The following CTNNA1 variants were observed in gnomAD, a reference collection of about 807,000 sequenced individuals.
The protein encoded by CTNNA1 is catenin alpha-1.
A neutral mutation model predicts 98.4 loss-of-function variants in CTNNA1; 37 were observed. The observed-to-expected ratio is 0.38, with a 90% CI of 0.29 to 0.49. CTNNA1 has a LOEUF of 0.49. Among genes scored for constraint, CTNNA1 ranks in the 20% least tolerant of loss-of-function variants. The pLI is 0.95. For synonymous variants in CTNNA1, 404 were observed against 413.2 expected, an observed-to-expected ratio of 0.98 and a Z score of 0.27; for missense variants, 761 against 1,147.2, an observed-to-expected ratio of 0.66 and a Z score of 4.86.
intron 9 of CTNNA1, among the ~76,000 whole-genome samples, chr5:138,903,464 T>C (rs1442277777): frequency 6.6e-6 from 1 of 152,262 alleles, no homozygotes; most frequent in East Asian, 1.9e-4. Flanking sequence ...GTACCGTGTA[T>C]TCAGTTGGGC....
rs189737887 is a variant in CTNNA1, at chr5:138,891,783, C to A, written c.1296+4141C>A. Among the ~76,000 whole-genome samples the A allele has an allele frequency of 1.3e-3, 201 of 151,998 alleles. 1 individual carries two copies. The highest frequency in any genetic ancestry group is 4.7e-3 in the African/African-American group (196 of 41,480). On this transcript the variant is annotated intron_variant, in intron 9 of 17. Coordinates refer to ENST00000302763, the MANE Select transcript of CTNNA1 (RefSeq NM_001903.5). ...CAAAAAATAAATAAAATAACAACAA[C>A]CACAAAAACAAAAAACCATAAGATA...
intron 10 of CTNNA1, among the ~76,000 whole-genome samples, chr5:138,906,880 A>G (rs965377235): frequency 6.6e-6 from 1 of 152,184 alleles, no homozygotes; most frequent in African/African-American, 2.4e-5. Context: ...AGGTTCAGTA[A>G]TGGCAAATAA....
chr5:138,865,767 G>T (rs1160732858), intron 7 of CTNNA1, among the ~76,000 whole-genome samples: 1 of 152,062 alleles, frequency 6.6e-6, no homozygotes, highest in Non-Finnish European at 1.5e-5. Context: ...GGACCCTTGG[G>T]GTTAAGAGTC....
At chr5:138,924,198 A>C (rs1272545607) in intron 11 of CTNNA1, among the ~76,000 whole-genome samples, 1 of 151,754 alleles carries the variant, frequency 6.6e-6, no homozygotes, top group African/African-American at 2.4e-5. Context: ...TTCTATGATA[A>C]TTTTCTGCCA....
At chr5:138,791,466 A>C (rs961238623) in intron 3 of CTNNA1, among the ~76,000 whole-genome samples, 3 of 151,688 alleles carry the variant, frequency 2.0e-5, no homozygotes, top group Non-Finnish European at 2.9e-5. Flanking sequence ...AAATACAAAA[A>C]ATTAGCCAGG....
chr5:138,883,143 A>G (rs951515682), intron 7 of CTNNA1, among the ~76,000 whole-genome samples: 4 of 152,234 alleles, frequency 2.6e-5, no homozygotes, highest in Admixed American at 6.5e-5. Flanking sequence ...CTAGGATTAC[A>G]GGCATGAGCC....
chr5:138,853,560 A>G (rs1763443660), intron 7 of CTNNA1, among the ~76,000 whole-genome samples: 1 of 150,934 alleles, frequency 6.6e-6, no homozygotes, highest in African/African-American at 2.4e-5. Flanking sequence ...CTTTTGTTTT[A>G]TGGCTAGAGG....
At chr5:138,883,951 G>A (rs1290977080) in intron 7 of CTNNA1, among the ~76,000 whole-genome samples, 1 of 152,212 alleles carries the variant, frequency 6.6e-6, no homozygotes, top group Non-Finnish European at 1.5e-5. Context: ...GCTGACTAGT[G>A]TCAACAAGAA....
At chr5:138,855,326 C>T (rs542375616) in intron 7 of CTNNA1, among the ~76,000 whole-genome samples, 25 of 152,348 alleles carry the variant, frequency 1.6e-4, no homozygotes, top group African/African-American at 5.5e-4. Context: ...CGTGAGCCAC[C>T]GCGCCCAGCC....
chr5:138,867,834 C>A (rs1764943271), intron 7 of CTNNA1, among the ~76,000 whole-genome samples: 1 of 151,694 alleles, frequency 6.6e-6, no homozygotes, highest in African/African-American at 2.4e-5. Context: ...CTCACTGCAA[C>A]CTCCACCTCC....
intron 3 of CTNNA1, among the ~76,000 whole-genome samples, chr5:138,808,888 T>A (rs1758383911): frequency 6.6e-6 from 1 of 152,110 alleles, no homozygotes; most frequent in Non-Finnish European, 1.5e-5. Flanking sequence ...CTTCTAGCTG[T>A]AAGAAAAGAG....
At chr5:138,933,665 G>T in intron 17 of CTNNA1, 137 bp from the exon 18 acceptor site, 2 of 824,418 alleles carry the variant, frequency 2.4e-6, no homozygotes, top group Admixed American at 5.8e-5. Flanking sequence ...GGAACAGGCT[G>T]CTGCCCAATC....
At chr5:138,808,142 G>A (rs780413198) in intron 3 of CTNNA1, among the ~76,000 whole-genome samples, 2 of 152,114 alleles carry the variant, frequency 1.3e-5, no homozygotes, top group Non-Finnish European at 1.5e-5. Context: ...TTTCTTCAGC[G>A]TATTTCCAGA....
chr5:138,843,165 T>A (rs1762412886), intron 7 of CTNNA1, among the ~76,000 whole-genome samples: 2 of 152,212 alleles, frequency 1.3e-5, no homozygotes, highest in African/African-American at 4.8e-5. Context: ...GTATGATTTG[T>A]TTAAAAACAT....
At chr5:138,869,437 A>G (rs998978646) in intron 7 of CTNNA1, 1 of 151,942 alleles carries the variant, frequency 6.6e-6, no homozygotes, top group African/African-American at 2.4e-5. Flanking sequence ...TATGCCCCCA[A>G]ACAGACTTTT....
At chr5:138,806,803 CATG>C (rs1301871920) in intron 3 of CTNNA1, among the ~76,000 whole-genome samples, 1 of 151,916 alleles carries the variant, frequency 6.6e-6, no homozygotes, top group Non-Finnish European at 1.5e-5. Context: ...TATACCTCAG[CATG>C]ATAAGTGGTT....
chr5:138,891,526 G>A (rs193081581), intron 9 of CTNNA1, among the ~76,000 whole-genome samples: 63 of 152,190 alleles, frequency 4.1e-4, no homozygotes, highest in East Asian at 3.3e-3. Context: ...TTTTGGAGGC[G>A]GAGGTGGGCA....
chr5:138,783,789 G>T (rs1755392515), intron 3 of CTNNA1, among the ~76,000 whole-genome samples: 1 of 152,138 alleles, frequency 6.6e-6, no homozygotes, highest in African/African-American at 2.4e-5. Flanking sequence ...TGAAGAGATG[G>T]GTGTGATAAA....
At chr5:138,764,001 A>C (rs1406282933) in intron 1 of CTNNA1, among the ~76,000 whole-genome samples, 1 of 152,148 alleles carries the variant, frequency 6.6e-6, no homozygotes, top group Non-Finnish European at 1.5e-5. Flanking sequence ...CCTGACTAAC[A>C]TGGAGAAACA....
Sources: gnomAD v4.1 joint callset for allele counts (sites outside exome capture counted in the v4.1 genomes callset) on GRCh38, gnomAD v4.1.1 for gene constraint, MANE v1.5 for transcripts, NCBI Gene and HGNC (gene_info 2026-07-23, HGNC 2026-07-21) for gene names.